The following MDGA1 variants were observed in gnomAD, a reference collection of about 807,000 sequenced individuals.
MDGA1 encodes the protein MAM domain containing glycosylphosphatidylinositol anchor 1.
A neutral mutation model predicts 101.5 loss-of-function variants in MDGA1; 54 were observed. That is an observed-to-expected ratio of 0.53 (90% CI 0.43 to 0.67). MDGA1 has a LOEUF of 0.67. MDGA1 is among the 30% of genes least tolerant of loss of function. MDGA1 has a pLI of 0.00. For missense variants in MDGA1, 1,083 were observed against 1,323.8 expected (o/e 0.82, Z 2.82); for synonymous variants, 533 against 558.3 (o/e 0.95, Z 0.64).
rs1344536544 is a variant in MDGA1 at position 37,650,094 on chromosome 6, G to T, written c.1609+15C>A. 1.2e-6 allele frequency: 2 copies of T among 1,611,096 alleles called. No homozygotes were observed. The highest frequency in any genetic ancestry group is 1.1e-5 in the South Asian group (1 of 90,978). ...GAAAGCTGGGAAGGTAGTCCGGGTG[G>T]CGTGGTGGACTCACACTGCACGTTC... On this transcript the variant is annotated intron_variant, in intron 8 of 16. Coordinates refer to ENST00000434837, the MANE Select transcript of MDGA1 (RefSeq NM_153487.4).
At chr6:37,656,446 C>T (rs1301139840) in intron 3 of MDGA1, among the ~76,000 whole-genome samples, 2 of 151,728 alleles carry the variant, frequency 1.3e-5, no homozygotes, top group African/African-American at 4.8e-5. Flanking sequence ...AATCATCGCT[C>T]ACTGCAGCCT....
At chr6:37,688,097 G>A (rs886733682) in intron 1 of MDGA1, among the ~76,000 whole-genome samples, 3 of 152,166 alleles carry the variant, frequency 2.0e-5, no homozygotes, top group African/African-American at 7.2e-5. Context: ...GAACTTTGTT[G>A]AAACTAAGCT....
rs1473159285 is a variant in MDGA1, at chr6:37,646,016, C to A, written c.2225-60G>T. 4.3e-6 allele frequency: 7 copies of A among 1,612,228 alleles called. No individual in the cohort carries two copies. The East Asian group carries it at 1.1e-4, about 26-fold the overall frequency. The stretch of plus-strand genomic sequence containing the variant: ...GAGGTGTGGGGCTCTGCAGAGGATA[C>A]CCTGCTTGGGACCAGAGGACAGGGT... On this transcript the variant is annotated intron_variant, in intron 11 of 16. Coordinates refer to ENST00000434837, the MANE Select transcript of MDGA1 (RefSeq NM_153487.4).
chr6:37,689,286 A>G (rs574047558), intron 1 of MDGA1, among the ~76,000 whole-genome samples: 2 of 152,100 alleles, frequency 1.3e-5, no homozygotes, highest in Non-Finnish European at 2.9e-5. Flanking sequence ...TTCAACCCAC[A>G]TCCTTCTGCA....
At chr6:37,644,056 C>A in intron 13 of MDGA1, 113 bp from the exon 14 acceptor site, 1 of 1,344,362 alleles carries the variant, frequency 7.4e-7, no homozygotes, top group East Asian at 2.5e-5. Flanking sequence ...CCTCGCCCCA[C>A]GCATCCTGCC....
chr6:37,667,638 G>T (rs1761782085), intron 1 of MDGA1, among the ~76,000 whole-genome samples: 1 of 152,218 alleles, frequency 6.6e-6, no homozygotes, highest in Non-Finnish European at 1.5e-5. Context: ...GTGCATGCTG[G>T]TTGCTGATAA....
chr6:37,641,003 A>G (rs996333388), intron 14 of MDGA1, among the ~76,000 whole-genome samples: 1 of 152,138 alleles, frequency 6.6e-6, no homozygotes, highest in African/African-American at 2.4e-5. Flanking sequence ...GTGCCTCCAC[A>G]TGCCGGGAAA....
At chr6:37,681,005 C>CA (rs754791779) in intron 1 of MDGA1, among the ~76,000 whole-genome samples, 16 of 152,194 alleles carry the variant, frequency 1.1e-4, no homozygotes, top group Non-Finnish European at 1.8e-4. Flanking sequence ...AGCCCCCCCC[C>CA]CCCAGGAAAC....
intron 1 of MDGA1, among the ~76,000 whole-genome samples, chr6:37,690,966 T>C (rs2114110905): frequency 6.6e-6 from 1 of 152,228 alleles, no homozygotes; most frequent in Non-Finnish European, 1.5e-5. Context: ...TCAAGGCCAG[T>C]TCAAATGCTC....
chr6:37,646,334 C>A lies in MDGA1; in HGVS notation c.2088G>T (p.Arg696=), dbSNP rs750365809. ...HNAVVKAIPV[R]RVEKGQLLEY... is the part of the protein sequence containing the mutation. ...CCAGCAGCTGCCCCTTCTCCACACG[C>A]CGGACCGGGATGGCCTTGACCACCG... The change falls in exon 11 of 17, where the codon CGG becomes CGT. Residue 696 remains arginine, a synonymous_variant. Coordinates refer to ENST00000434837, the MANE Select transcript of MDGA1 (RefSeq NM_153487.4). The A allele has an allele frequency of 6.3e-7, 1 of 1,580,532 alleles. No individual in the cohort carries two copies. Among genetic ancestry groups the A allele is most frequent in the Admixed American group, 1.8e-5 (1 of 55,812 alleles).
chr6:37,673,271 T>C (rs951703110), intron 1 of MDGA1, among the ~76,000 whole-genome samples: 1 of 152,178 alleles, frequency 6.6e-6, no homozygotes, highest in East Asian at 1.9e-4. Flanking sequence ...ACCGATGCTG[T>C]GCAGCATCCT....
In MDGA1 at chr6:37,644,608, T is replaced by G; in HGVS notation, c.2290A>C (p.Thr764Pro). The change falls in exon 13 of 17, where the codon ACC becomes CCC. Residue 764 changes from threonine (T) to proline (P), a missense_variant. By Grantham distance (38) the Thr-to-Pro change is conservative (BLOSUM62 -1). Transcript: ENST00000434837. ...TCAAAGTTGTCTGTCAGGTCCTGGGTATAGCCACAGATCTTCTCATCCTCA... is the reference window on the plus strand; with the variant it reads ...TCAAAGTTGTCTGTCAGGTCCTGGGGATAGCCACAGATCTTCTCATCCTCA... ...HFEDEKICGY[T>P]QDLTDNFDWT... 6.2e-7 allele frequency: 1 copy of G among 1,605,012 alleles called. No homozygotes were observed. The highest frequency in any genetic ancestry group is 8.5e-7 in the Non-Finnish European group (1 of 1,175,898).
intron 1 of MDGA1, among the ~76,000 whole-genome samples, chr6:37,691,050 A>G (rs1762298715): frequency 6.6e-6 from 1 of 152,130 alleles, no homozygotes; most frequent in Non-Finnish European, 1.5e-5. Flanking sequence ...CCCTTGCTAC[A>G]TGACATTTAT....
Position 37,652,209 on chromosome 6 carries a change from A to T in MDGA1, c.1114T>A (p.Phe372Ile). The change falls in exon 7 of 17, where the codon TTC (phenylalanine) becomes ATC (isoleucine). Residue 372 changes from phenylalanine (F) to isoleucine (I), a missense_variant. Phe to Ile is a conservative substitution (Grantham distance 21). Coordinates refer to ENST00000434837, the MANE Select transcript of MDGA1 (RefSeq NM_153487.4). The surrounding 1 kb of genome is among the most constrained non-coding windows in gnomAD (Gnocchi z 4.3). ...VPQEKVTYQW[F>I]KNGKPARMSK... Reference sequence around the variant, plus strand: ...ATGCGTGCCGGCTTGCCATTCTTGAACCACTGGTAGGTCACCTTCTCCTGG... The same window carrying T: ...ATGCGTGCCGGCTTGCCATTCTTGATCCACTGGTAGGTCACCTTCTCCTGG... The T allele has an allele frequency of 6.2e-7, 1 of 1,613,850 alleles. No individual in the cohort carries two copies. Among genetic ancestry groups the T allele is most frequent in the Non-Finnish European group, 8.5e-7 (1 of 1,179,858 alleles).
intron 1 of MDGA1, among the ~76,000 whole-genome samples, chr6:37,688,051 G>A (rs1352520668): frequency 1.3e-5 from 2 of 152,116 alleles, no homozygotes; most frequent in East Asian, 3.9e-4. Context: ...ATAATCAGTG[G>A]ATTTTGTTTT....
intron 1 of MDGA1, among the ~76,000 whole-genome samples, chr6:37,688,692 C>A (rs1010738465): frequency 6.6e-6 from 1 of 152,252 alleles, no homozygotes; most frequent in African/African-American, 2.4e-5. Context: ...CCTCTCTGCT[C>A]TCGTGAAACG....
rs957909674 is a variant in MDGA1, at chr6:37,635,861, C to T, written c.*1507G>A. The T allele has an allele frequency of 5.0e-6, 2 of 397,956 alleles. No homozygotes were observed. Among genetic ancestry groups the T allele is most frequent in the Non-Finnish European group, 8.8e-6 (2 of 226,014 alleles). The allele number at this position is 397,956 out of a possible 1,614,324, so 24.7% of individuals were successfully genotyped here. The stretch of plus-strand genomic sequence containing the variant: ...GTCTATTCAGCCAGCACCCTACAAG[C>T]GAACACATCACTCAGGAAGGTGGAC... On this transcript the variant is annotated 3_prime_UTR_variant, in exon 17 of 17. Coordinates refer to ENST00000434837, the MANE Select transcript of MDGA1 (RefSeq NM_153487.4).
At position 37,638,771 on chromosome 6, in the gene MDGA1, C is replaced by G. The variant is rs1006598761; in HGVS notation, c.2537-104G>C. ...CTCCCACCATAGCCTGCAGCCCTGT[C>G]CCTGTTGACAGGACCTCCTCCCCAT... On this transcript the variant is annotated intron_variant, in intron 14 of 16. Coordinates refer to ENST00000434837, the MANE Select transcript of MDGA1 (RefSeq NM_153487.4). The surrounding 1 kb of genome is among the most constrained non-coding windows in gnomAD (Gnocchi z 4.8). 1.1e-5 allele frequency: 16 copies of G among 1,465,100 alleles called. No individual in the cohort carries two copies. The highest frequency in any genetic ancestry group is 5.0e-5 in the East Asian group (2 of 40,020). The allele number at this position is 1,465,100 out of a possible 1,614,324, so 90.8% of individuals were successfully genotyped here.
chr6:37,641,527 C>G (rs1212547553), intron 14 of MDGA1, among the ~76,000 whole-genome samples: 1 of 152,238 alleles, frequency 6.6e-6, no homozygotes, highest in African/African-American at 2.4e-5. Flanking sequence ...AAAATCTCCC[C>G]TTTCGCTATC....
Sources: gnomAD v4.1 joint callset for allele counts (sites outside exome capture counted in the v4.1 genomes callset) on GRCh38, gnomAD v4.1.1 for gene constraint, Gnocchi (gnomAD v3.1) non-coding constraint, MANE v1.5 for transcripts, NCBI Gene and HGNC (gene_info 2026-07-23, HGNC 2026-07-21) for gene names.